The following PCDHGA7 variants were observed in gnomAD, a reference collection of about 807,000 sequenced individuals.
PCDHGA7 encodes the protein protocadherin gamma-A7.
In PCDHGA7, 44 loss-of-function variants were observed where a neutral mutation model predicts 58.3. The observed-to-expected ratio is 0.75, with a 90% CI of 0.59 to 0.97. PCDHGA7 has a LOEUF of 0.97. PCDHGA7 is among the 50% of genes least tolerant of loss of function. The probability of loss-of-function intolerance (pLI) is 0.00; values close to 1 mark genes in which losing one functional copy is unlikely to be tolerated. For synonymous variants in PCDHGA7, 516 were observed against 504.2 expected (o/e 1.02, Z -0.31); for missense variants, 1,266 against 1,188.7 (o/e 1.06, Z -0.96).
At position 141,431,316 on chromosome 5, in the gene PCDHGA7, C is replaced by T; in HGVS notation, c.2424+45993C>T. 6.2e-7 allele frequency: 1 copy of T among 1,614,104 alleles called. No individual in the cohort carries two copies. The highest frequency in any genetic ancestry group is 8.5e-7 in the Non-Finnish European group (1 of 1,180,046). The stretch of plus-strand genomic sequence containing the variant: ...TTCTCCCTCATCGTGCAAAATGGAG[C>T]CGACGGTAGTAAGTACCCCGAATTG... On this transcript the variant is annotated intron_variant, in intron 1 of 3. Transcript: ENST00000518325. The surrounding 1 kb of genome is among the most constrained non-coding windows in gnomAD (Gnocchi z 4.8).
At chr5:141,395,348 A>T (rs2093219591) in intron 1 of PCDHGA7, 1 of 1,391,964 alleles carries the variant, frequency 7.2e-7, no homozygotes, top group East Asian at 2.4e-5. Flanking sequence ...AAGGTGTATC[A>T]CAGAGTTTTG....
intron 1 of PCDHGA7, chr5:141,422,992 G>A: frequency 6.2e-7 from 1 of 1,614,238 alleles, no homozygotes; most frequent in Non-Finnish European, 8.5e-7. Flanking sequence ...TGGCTACCTG[G>A]TGACCAAGGT....
At chr5:141,398,951 C>A (rs771456321) in intron 1 of PCDHGA7, 2 of 1,613,822 alleles carry the variant, frequency 1.2e-6, no homozygotes, top group Admixed American at 1.7e-5. Flanking sequence ...GGCATCAACT[C>A]AGAAATTACT....
chr5:141,484,230 G>A (rs1325484143), intron 1 of PCDHGA7, among the ~76,000 whole-genome samples: 2 of 152,174 alleles, frequency 1.3e-5, no homozygotes, highest in Non-Finnish European at 2.9e-5. Flanking sequence ...CAGGTAAAGA[G>A]ATCTGGTCCT....
At position 141,505,908 on chromosome 5, in the gene PCDHGA7, T is replaced by C. The variant is rs114551975; in HGVS notation, c.2572+427T>C. On this transcript the variant is annotated intron_variant, in intron 3 of 3. Coordinates refer to ENST00000518325, the MANE Select transcript of PCDHGA7 (RefSeq NM_018920.4). ...TTAAATGAGATGATACCACAAAGCATAGAGTTCTGGGCCTGGCGCTTGGAA... is the reference window on the plus strand; with the variant it reads ...TTAAATGAGATGATACCACAAAGCACAGAGTTCTGGGCCTGGCGCTTGGAA... 4.0e-3 allele frequency among the ~76,000 whole-genome samples: 608 copies of C among 152,218 alleles called. 3 individuals are homozygous for C. The highest frequency in any genetic ancestry group is 0.013 in the African/African-American group (551 of 41,540).
intron 1 of PCDHGA7, chr5:141,390,362 G>A: frequency 6.5e-7 from 1 of 1,533,010 alleles, no homozygotes. Flanking sequence ...ATATTTGCAG[G>A]AAAATATATA....
intron 1 of PCDHGA7, chr5:141,426,204 T>C (rs10046053): frequency 0.11 from 17,599 of 155,696 alleles, 1,197 homozygotes; most frequent in African/African-American, 0.19. Flanking sequence ...TTGAGTTTTC[T>C]ATGTATGGAA....
At chr5:141,390,271 C>A in intron 1 of PCDHGA7, 1 of 1,614,036 alleles carries the variant, frequency 6.2e-7, no homozygotes, top group Non-Finnish European at 8.5e-7. Context: ...AGTGAATTGA[C>A]TTCCCATCAG....
intron 1 of PCDHGA7, chr5:141,392,820 G>C (rs1474865202): frequency 1.3e-6 from 2 of 1,592,748 alleles, no homozygotes; most frequent in Admixed American, 3.6e-5. Context: ...AACAATGGCC[G>C]CTCCACAGAG....
At chr5:141,400,776 G>GT (rs1167512157) in intron 1 of PCDHGA7, 4 of 557,602 alleles carry the variant, frequency 7.2e-6, no homozygotes, top group Non-Finnish European at 1.3e-5. Flanking sequence ...CATTTGGTGC[G>GT]TTTTTTTGTC....
chr5:141,489,405 G>A lies in PCDHGA7; in HGVS notation c.2425-5402G>A. ...ATGTTGCTCAGGATCTGGGCTTAAA[G>A]ATGACAGATCTGTTGAGCCGGCGGC... On this transcript the variant is annotated intron_variant, in intron 1 of 3. Transcript: ENST00000518325. This position sits in a 1 kb window ranked among gnomAD's most constrained non-coding sequence, Gnocchi z 4.5. The A allele has an allele frequency of 1.2e-6, 2 of 1,614,204 alleles. No individual in the cohort carries two copies. The highest frequency in any genetic ancestry group is 2.2e-5 in the South Asian group (2 of 91,088).
Position 141,491,057 on chromosome 5 carries a change from CCTA to C in PCDHGA7, c.2425-3747_2425-3745del. On this transcript the variant is annotated intron_variant, in intron 1 of 3. Coordinates refer to ENST00000518325, the MANE Select transcript of PCDHGA7 (RefSeq NM_018920.4). The surrounding 1 kb of genome is among the most constrained non-coding windows in gnomAD (Gnocchi z 6.9). ...GATGCAGGCCACAATGCGTGGCTCTCCTACTCACTGTTGCCACAGTCCACAGCC... is the reference window on the plus strand; with the variant it reads ...GATGCAGGCCACAATGCGTGGCTCTCCTCACTGTTGCCACAGTCCACAGCC... 6.2e-7 allele frequency: 1 copy of C among 1,614,208 alleles called. No homozygotes were observed. The highest frequency in any genetic ancestry group is 8.5e-7 in the Non-Finnish European group (1 of 1,180,022).
At chr5:141,423,313 G>A (rs1407028245) in intron 1 of PCDHGA7, 3 of 1,614,184 alleles carry the variant, frequency 1.9e-6, no homozygotes, top group Non-Finnish European at 1.7e-6. Context: ...GTACTTGGTG[G>A]TGGCGGTGGC....
At chr5:141,467,941 G>A (rs1173095290) in intron 1 of PCDHGA7, among the ~76,000 whole-genome samples, 4 of 151,984 alleles carry the variant, frequency 2.6e-5, no homozygotes, top group Admixed American at 2.6e-4. Context: ...TTACAAGCAT[G>A]AGCCACCACA....
At position 141,408,036 on chromosome 5, in the gene PCDHGA7, A is replaced by G. The variant is rs941133513; in HGVS notation, c.2424+22713A>G. On this transcript the variant is annotated intron_variant, in intron 1 of 3. Coordinates refer to ENST00000518325, the MANE Select transcript of PCDHGA7 (RefSeq NM_018920.4). ...AGCCAACAACAGAAAGAAGAAAACC[A>G]GCTCCCACACAGAGCCTCCCGGCTG... 7.9e-6 allele frequency: 9 copies of G among 1,132,718 alleles called. No individual in the cohort carries two copies. In the African/African-American group the frequency reaches 1.4e-4, roughly 18 times the overall value. The allele number at this position is 1,132,718 out of a possible 1,614,324, so 70.2% of individuals were successfully genotyped here. A position where few individuals can be genotyped will look rare whatever the true frequency, so the allele number is the denominator to read the frequency against.
At chr5:141,399,192 C>T (rs1561668217) in intron 1 of PCDHGA7, 1 of 1,613,846 alleles carries the variant, frequency 6.2e-7, no homozygotes, top group Non-Finnish European at 8.5e-7. Flanking sequence ...TTCTGGAAAA[C>T]GCGGTGCCTG....
At chr5:141,478,563 C>G (rs1484075735) in intron 1 of PCDHGA7, 16 of 1,596,154 alleles carry the variant, frequency 1.0e-5, no homozygotes, top group African/African-American at 1.3e-5. Context: ...TTTAGCAAGT[C>G]ATGCTTGACC....
At chr5:141,408,036 A>C in intron 1 of PCDHGA7, 1 of 1,132,834 alleles carries the variant, frequency 8.8e-7, no homozygotes, top group Non-Finnish European at 1.2e-6. Flanking sequence ...GAAGAAAACC[A>C]GCTCCCACAC....
chr5:141,430,258 A>T (rs542653323), intron 1 of PCDHGA7, among the ~76,000 whole-genome samples: 1 of 147,968 alleles, frequency 6.8e-6, no homozygotes, highest in Non-Finnish European at 1.5e-5. Flanking sequence ...AGACATCTCC[A>T]TAATAGGTGT....
Sources: gnomAD v4.1 joint callset for allele counts (sites outside exome capture counted in the v4.1 genomes callset) on GRCh38, gnomAD v4.1.1 for gene constraint, Gnocchi (gnomAD v3.1) non-coding constraint, MANE v1.5 for transcripts, NCBI Gene and HGNC (gene_info 2026-07-23, HGNC 2026-07-21) for gene names.